The following CSDE1 variants were observed in gnomAD, a reference collection of about 807,000 sequenced individuals.
The protein encoded by CSDE1 is cold shock domain containing E1, also known as cold shock domain-containing protein E1.
Under a neutral mutation model 89.3 loss-of-function variants are expected in CSDE1, and 17 were observed. The observed-to-expected ratio is 0.19, with a 90% CI of 0.13 to 0.29. The LOEUF (loss-of-function observed/expected upper bound fraction) is 0.29, where lower values mean the gene tolerates loss of function less well. Among genes scored for constraint, CSDE1 ranks in the 10% least tolerant of loss-of-function variants. The probability of loss-of-function intolerance (pLI) is 1.00; values close to 1 mark genes in which losing one functional copy is unlikely to be tolerated. For missense variants in CSDE1, 672 were observed against 984.2 expected, an observed-to-expected ratio of 0.68 and a Z score of 4.24; for synonymous variants, 322 against 332.8, an observed-to-expected ratio of 0.97 and a Z score of 0.35.
chr1:114,735,933 G>A (rs988250855), intron 6 of CSDE1, among the ~76,000 whole-genome samples: 3 of 152,054 alleles, frequency 2.0e-5, no homozygotes, highest in Non-Finnish European at 2.9e-5. Context: ...CGCAACTGTA[G>A]ATTTGATATC....
At chr1:114,747,215 A>G (rs1251176954) in intron 2 of CSDE1, among the ~76,000 whole-genome samples, 1 of 152,042 alleles carries the variant, frequency 6.6e-6, no homozygotes, top group African/African-American at 2.4e-5. Context: ...CTACCCTTCT[A>G]TATATATTTG....
At chr1:114,741,729 T>A in intron 2 of CSDE1, 4 of 1,295,592 alleles carry the variant, frequency 3.1e-6, no homozygotes, top group Non-Finnish European at 4.1e-6. Context: ...TTAATGCACA[T>A]TTCACAGTCA....
chr1:114,722,418 A>C (rs887062634), intron 16 of CSDE1, among the ~76,000 whole-genome samples: 1 of 152,228 alleles, frequency 6.6e-6, no homozygotes, highest in Non-Finnish European at 1.5e-5. Context: ...TATTTGTCCA[A>C]GATTATATGC....
At chr1:114,721,425 G>A (rs985823933) in intron 16 of CSDE1, among the ~76,000 whole-genome samples, 2 of 152,152 alleles carry the variant, frequency 1.3e-5, no homozygotes, top group South Asian at 2.1e-4. Flanking sequence ...CCTGGAGCCC[G>A]GTGCAGGCTA....
At chr1:114,723,211 C>A (rs1468576423) in intron 16 of CSDE1, among the ~76,000 whole-genome samples, 2 of 152,166 alleles carry the variant, frequency 1.3e-5, no homozygotes, top group African/African-American at 4.8e-5. Flanking sequence ...TACTCCACAT[C>A]ATGTAATTCT....
At chr1:114,736,917 T>A in intron 5 of CSDE1, 62 bp from the exon 6 acceptor site, 1 of 1,266,206 alleles carries the variant, frequency 7.9e-7, no homozygotes, top group Non-Finnish European at 1.1e-6. Flanking sequence ...TATACTGTGA[T>A]TTACTTACTT....
chr1:114,744,253 GTA>G, intron 2 of CSDE1, among the ~76,000 whole-genome samples: 1 of 152,228 alleles, frequency 6.6e-6, no homozygotes, highest in South Asian at 2.1e-4. Context: ...ATGTAAAAAT[GTA>G]TTCAAATGAA....
intron 4 of CSDE1, 151 bp downstream of exon 4, chr1:114,737,812 A>G (rs1019979573): frequency 1.5e-6 from 1 of 658,302 alleles, no homozygotes; most frequent in East Asian, 2.7e-5. Flanking sequence ...AAGAAATGCC[A>G]GTGCTTTTGA....
Position 114,739,746 on chromosome 1 carries a change from G to C in CSDE1, c.145C>G (p.Leu49Val). The C allele has an allele frequency of 6.2e-7, 1 of 1,614,106 alleles. No individual in the cohort carries two copies. Among genetic ancestry groups the C allele is most frequent in the Non-Finnish European group, 8.5e-7 (1 of 1,179,972 alleles). Residue 49 changes from leucine (L) to valine (V), a missense_variant, in exon 3 of 20, where the codon CTT (leucine) becomes GTT (valine). Leu to Val is a conservative substitution (Grantham distance 32). Around this residue, in one of 8 missense-constraint regions of CSDE1, gnomAD observed 34 missense variants for 73.3 expected, o/e 0.46. Coordinates refer to ENST00000358528, the MANE Select transcript of CSDE1 (RefSeq NM_001007553.3). ...FIQCSERQAR[L>V]FFHCSQYNGN... ...TTATACTGTGAACAGTGGAAGAAAAGTCTAGCTTGACGTTCTGAACACTGA... is the reference window on the plus strand; with the variant it reads ...TTATACTGTGAACAGTGGAAGAAAACTCTAGCTTGACGTTCTGAACACTGA...
intron 6 of CSDE1, among the ~76,000 whole-genome samples, chr1:114,736,272 A>G (rs1660397223): frequency 6.6e-6 from 1 of 152,028 alleles, no homozygotes; most frequent in African/African-American, 2.4e-5. Flanking sequence ...CACCTTTCAA[A>G]AGTCTACCAC....
At chr1:114,742,692 T>TTCCTAG (rs1285456793) in intron 2 of CSDE1, among the ~76,000 whole-genome samples, 3 of 152,228 alleles carry the variant, frequency 2.0e-5, no homozygotes, top group Non-Finnish European at 4.4e-5. Flanking sequence ...GACATTTCTA[T>TTCCTAG]TCCTAGTACT....
chr1:114,724,386 C>A (rs1377831744), intron 15 of CSDE1: 1 of 176,840 alleles, frequency 5.7e-6, no homozygotes, highest in Non-Finnish European at 1.2e-5. Context: ...ATCTTTATTA[C>A]ATGTATTGTT....
At chr1:114,738,504 C>T (rs972135953) in intron 3 of CSDE1, among the ~76,000 whole-genome samples, 6 of 151,770 alleles carry the variant, frequency 4.0e-5, no homozygotes, top group African/African-American at 1.5e-4. Context: ...GAGAATAATT[C>T]CTAACAGGAC....
At chr1:114,740,678 T>A (rs1260015457) in intron 2 of CSDE1, among the ~76,000 whole-genome samples, 4 of 152,210 alleles carry the variant, frequency 2.6e-5, no homozygotes, top group Non-Finnish European at 4.4e-5. Flanking sequence ...TATAATGGAA[T>A]CTGCCTAGGT....
At chr1:114,727,506 A>G (rs1035700623) in intron 12 of CSDE1, among the ~76,000 whole-genome samples, 1 of 152,228 alleles carries the variant, frequency 6.6e-6, no homozygotes, top group Non-Finnish European at 1.5e-5. Flanking sequence ...AGCACCTTGC[A>G]CAGTATTTAA....
At chr1:114,727,117 T>C (rs759813038) in intron 12 of CSDE1, 27 bp from the exon 13 acceptor site, 1 of 1,499,878 alleles carries the variant, frequency 6.7e-7, no homozygotes. Context: ...AAAAACAGAA[T>C]GAAAACAATC....
In CSDE1 at chr1:114,717,404, TTTG is replaced by T. The variant is rs917312461; in HGVS notation, c.*762_*764del. On this transcript the variant is annotated 3_prime_UTR_variant, in exon 20 of 20. Coordinates refer to ENST00000358528, the MANE Select transcript of CSDE1 (RefSeq NM_001007553.3). Reference sequence around the variant, plus strand: ...GCAGCAAGTTTGTGCATTCATTTTTTTTGTTTTTGTTTAAATATGTTTAAATTA... The same window carrying T: ...GCAGCAAGTTTGTGCATTCATTTTTTTTTTTGTTTAAATATGTTTAAATTA... 4 of 146,502 alleles carry T rather than the reference TTTG, an allele frequency of 2.7e-5. No individual in the cohort carries two copies. Among genetic ancestry groups the T allele is most frequent in the African/African-American group, 1.1e-4 (4 of 35,628 alleles). 9.1% of individuals were successfully genotyped at this position (146,502 alleles called of 1,614,324 possible). A position where few individuals can be genotyped will look rare whatever the true frequency, so the allele number is the denominator to read the frequency against.
rs1263993345 is a variant in CSDE1, at chr1:114,750,088, G to A, written c.-268C>T. The A allele has an allele frequency of 6.6e-6, 1 of 152,630 alleles. No homozygotes were observed. Among genetic ancestry groups the A allele is most frequent in the East Asian group, 1.9e-4 (1 of 5,196 alleles). 9.5% of individuals were successfully genotyped at this position (152,630 alleles called of 1,614,324 possible). Reference sequence around the variant, plus strand: ...CTTCTTGTTTCAGATCAAGTGTTGTGTCTTCAACTTAAGTGTACTCTTCTT... The same window carrying A: ...CTTCTTGTTTCAGATCAAGTGTTGTATCTTCAACTTAAGTGTACTCTTCTT... On this transcript the variant is annotated 5_prime_UTR_variant, in exon 2 of 20. Transcript: ENST00000358528.
Position 114,730,582 on chromosome 1 carries a change from A to T in CSDE1, c.1117T>A (p.Phe373Ile). Residue 373 changes from phenylalanine (F) to isoleucine (I), a missense_variant, in exon 11 of 20, where the codon TTC becomes ATC. Physicochemically the swap from Phe to Ile is conservative, Grantham distance 21. Coordinates refer to ENST00000358528, the MANE Select transcript of CSDE1 (RefSeq NM_001007553.3). ...TCCAGAATTTCACTGAAGTGGAAGA[A>T]CATACGAACATCACGATCCACACAC... ...IKCVDRDVRMFFHFSEILDGN... is the reference protein window; with the variant it reads ...IKCVDRDVRMIFHFSEILDGN... The T allele has an allele frequency of 6.2e-7, 1 of 1,613,964 alleles. No homozygotes were observed. The highest frequency in any genetic ancestry group is 8.5e-7 in the Non-Finnish European group (1 of 1,179,988).
Sources: gnomAD v4.1 joint callset for allele counts (sites outside exome capture counted in the v4.1 genomes callset) on GRCh38, gnomAD v4.1.1 for gene constraint, gnomAD v4.1.1 regional missense constraint, MANE v1.5 for transcripts, NCBI Gene and HGNC (gene_info 2026-07-23, HGNC 2026-07-21) for gene names.